The following ACOT11 variants were observed in gnomAD, a reference collection of about 807,000 sequenced individuals.
ACOT11 encodes the protein acyl-coenzyme A thioesterase 11.
A neutral mutation model predicts 77.5 loss-of-function variants in ACOT11; 69 were observed. The ratio of observed to expected loss-of-function variants is 0.89; its 90% CI spans 0.73 to 1.09. ACOT11 has a LOEUF of 1.09. ACOT11 is among the 50% of genes least tolerant of loss of function. The probability of loss-of-function intolerance (pLI) is 0.00; values close to 1 mark genes in which losing one functional copy is unlikely to be tolerated. For missense variants in ACOT11, 766 were observed against 813.7 expected, an observed-to-expected ratio of 0.94 and a Z score of 0.71; for synonymous variants, 279 against 313.0, an observed-to-expected ratio of 0.89 and a Z score of 1.15.
At chr1:54,613,563 T>G (rs900529262), downstream of ACOT11, among the ~76,000 whole-genome samples, 3 of 152,126 alleles carry the variant, frequency 2.0e-5, no homozygotes, top group African/African-American at 7.2e-5. Context: ...ACTGGGATTA[T>G]AGGTGTGAGC....
At chr1:54,562,397 A>G (rs1653548163) in intron 1 of ACOT11, among the ~76,000 whole-genome samples, 1 of 67,680 alleles carries the variant, frequency 1.5e-5, no homozygotes, top group Admixed American at 1.1e-4. Flanking sequence ...GCAGCCGGGC[A>G]GAGGCGCCCC....
intron 15 of ACOT11, chr1:54,620,064 T>C: frequency 1.3e-6 from 2 of 1,577,976 alleles, no homozygotes; most frequent in East Asian, 2.3e-5. Context: ...CCAAGACTCA[T>C]GTTCGTTCAT....
At chr1:54,605,353 C>T in intron 13 of ACOT11, 144 bp downstream of exon 13, 2 of 1,323,926 alleles carry the variant, frequency 1.5e-6, no homozygotes, top group Non-Finnish European at 2.0e-6. Flanking sequence ...GGTGGGGGTT[C>T]AGGGTCATGG....
In ACOT11 at chr1:54,594,594, G is replaced by A. The variant is rs1018497541; in HGVS notation, c.510G>A (p.Glu170=). The A allele has an allele frequency of 1.2e-6, 2 of 1,614,092 alleles. No homozygotes were observed. Among genetic ancestry groups the A allele is most frequent in the Non-Finnish European group, 1.7e-6 (2 of 1,180,020 alleles). ...AGATCACGCCGCGGACAGAAGAGGA[G>A]AAGATGGAGCACAGTGTGGCGGCTG... ...LKQITPRTEE[E]KMEHSVAAER... Residue 170 remains glutamate (E), a synonymous_variant, in exon 6 of 16, where the codon GAG becomes GAA. Transcript: ENST00000343744.
Position 54,616,020 on chromosome 1 carries a change from C to A in ACOT11, c.1629+7952C>A, listed in dbSNP as rs778478162. 3 of 1,613,642 alleles carry A rather than the reference C, an allele frequency of 1.9e-6. No individual in the cohort carries two copies. In the South Asian group the frequency reaches 3.3e-5, roughly 18 times the overall value. ...AGAGGGTTTCCAGAGAGGCCCTTAC[C>A]CTTTTGGGAAGAGCCCAGCACAGCG... On this transcript the variant is annotated intron_variant, in intron 15 of 16. Transcript: ENST00000371316.
In ACOT11 at chr1:54,602,599, C is replaced by T. The variant is rs867663320; in HGVS notation, c.1030-70C>T. The T allele has an allele frequency of 1.0e-5, 14 of 1,388,594 alleles. No individual in the cohort carries two copies. In the Middle Eastern group the frequency reaches 1.3e-3, roughly 131 times the overall value. 86.0% of individuals were successfully genotyped at this position (1,388,594 alleles called of 1,614,324 possible). On this transcript the variant is annotated intron_variant, in intron 9 of 15. Transcript: ENST00000343744. ...TTAGGGCTGCAGGAACTCCTTGGGC[C>T]CTGGGGGATGGAGAGGGGGCAGGAC...
At chr1:54,627,976 G>C (rs1170202076) in intron 15 of ACOT11, among the ~76,000 whole-genome samples, 1 of 132,934 alleles carries the variant, frequency 7.5e-6, no homozygotes, top group African/African-American at 2.6e-5. Context: ...CGGAGGCCTG[G>C]GTCACCCTGA....
At chr1:54,587,043 T>G (rs1463067880) in intron 3 of ACOT11, among the ~76,000 whole-genome samples, 1 of 152,198 alleles carries the variant, frequency 6.6e-6, no homozygotes, top group Admixed American at 6.5e-5. Context: ...CATTCAGTCA[T>G]CAGTCATTCC....
intron 1 of ACOT11, among the ~76,000 whole-genome samples, chr1:54,576,108 G>T (rs1288487540): frequency 6.6e-6 from 1 of 152,176 alleles, no homozygotes; most frequent in Non-Finnish European, 1.5e-5. Context: ...AGGAGCTGGG[G>T]GTTGCTGATT....
intron 1 of ACOT11, among the ~76,000 whole-genome samples, chr1:54,572,804 T>A (rs1033501984): frequency 1.3e-5 from 2 of 152,212 alleles, no homozygotes; most frequent in African/African-American, 4.8e-5. Context: ...GTGAGCCCTC[T>A]GCTTCTGGGA....
chr1:54,564,009 T>G (rs1023733426), intron 1 of ACOT11, among the ~76,000 whole-genome samples: 5 of 150,376 alleles, frequency 3.3e-5, no homozygotes, highest in Non-Finnish European at 7.4e-5. Context: ...GAGGTTGCAG[T>G]GAGCCGAGAT....
At position 54,616,106 on chromosome 1, in the gene ACOT11, A is replaced by C. The variant is rs773943398; in HGVS notation, c.1629+8038A>C. On this transcript the variant is annotated intron_variant, in intron 15 of 16. Transcript: ENST00000371316. ...AGTGGGGGGGTGTGCCATGATGGGA[A>C]CTCCTGTCTCATTGGCTGTGCCGAG... is the stretch of plus-strand genomic sequence containing the variant. 1.9e-5 allele frequency: 31 copies of C among 1,613,554 alleles called. No homozygotes were observed. Among genetic ancestry groups the C allele is most frequent in the Middle Eastern group, 3.3e-4 (2 of 6,058 alleles).
intron 1 of ACOT11, among the ~76,000 whole-genome samples, chr1:54,579,431 A>G (rs1177469013): frequency 6.6e-6 from 1 of 152,154 alleles, no homozygotes. Flanking sequence ...GGAAGAAGGC[A>G]GGGAATAGGC....
intron 6 of ACOT11, 56 bp from the exon 7 acceptor site, chr1:54,597,203 G>T: frequency 6.3e-7 from 1 of 1,598,692 alleles, no homozygotes; most frequent in Non-Finnish European, 8.5e-7. Flanking sequence ...GGGAGGGGCT[G>T]CCCTTGGGAA....
At chr1:54,554,331 GTGTATATA>G (rs1251165398) in intron 1 of ACOT11, among the ~76,000 whole-genome samples, 5 of 63,286 alleles carry the variant, frequency 7.9e-5, no homozygotes, top group South Asian at 5.1e-4. Flanking sequence ...GTGTGTGTGT[GTGTATATA>G]TATATATATA....
intron 15 of ACOT11, chr1:54,623,336 G>C: frequency 6.2e-6 from 10 of 1,614,080 alleles, no homozygotes; most frequent in Non-Finnish European, 8.5e-6. Context: ...CAGACACACA[G>C]GTAATGCCGG....
rs1644092250 is a variant in ACOT11 at position 54,609,727 on chromosome 1, G to A, written c.*615G>A. The A allele has an allele frequency of 6.2e-7, 1 of 1,614,036 alleles. No individual in the cohort carries two copies. The highest frequency in any genetic ancestry group is 1.3e-5 in the African/African-American group (1 of 74,958). On this transcript the variant is annotated 3_prime_UTR_variant, in exon 16 of 16. Transcript: ENST00000343744. ...ACACAGGCCAATGCAAGAGGCCAAG[G>A]CTGGAGAGGCGTGCCAGCAAGGCCA...
intron 3 of ACOT11, among the ~76,000 whole-genome samples, chr1:54,586,462 C>T (rs1045029476): frequency 3.3e-5 from 5 of 150,236 alleles, no homozygotes; most frequent in Admixed American, 3.3e-4. Context: ...GATGGAGTCT[C>T]CCTCTGTCAC....
intron 3 of ACOT11, among the ~76,000 whole-genome samples, chr1:54,590,096 A>C (rs184518620): frequency 2.0e-5 from 3 of 151,922 alleles, no homozygotes; most frequent in Non-Finnish European, 4.4e-5. Flanking sequence ...TCAAAAAAAA[A>C]AAAACAAAAA....
Sources: gnomAD v4.1 joint callset for allele counts (sites outside exome capture counted in the v4.1 genomes callset) on GRCh38, gnomAD v4.1.1 for gene constraint, MANE v1.5 for transcripts, NCBI Gene and HGNC (gene_info 2026-07-23, HGNC 2026-07-21) for gene names.